Variants in ARL15 observed in about 807,000 individuals in gnomAD.
The protein encoded by ARL15 is ARF like GTPase 15.
In ARL15, 19 loss-of-function variants were observed where a neutral mutation model predicts 25.2. The observed-to-expected ratio is 0.75, with a 90% CI of 0.53 to 1.10. The LOEUF (loss-of-function observed/expected upper bound fraction) is 1.10, where lower values mean the gene tolerates loss of function less well. Among genes scored for constraint, ARL15 ranks in the 50% least tolerant of loss-of-function variants. The pLI is 0.00. For missense variants in ARL15, 220 were observed against 246.0 expected (o/e 0.89, Z 0.71); for synonymous variants, 94 against 86.8 (o/e 1.08, Z -0.46).
At chr5:54,241,820 C>T (rs1756965731) in intron 1 of ARL15, among the ~76,000 whole-genome samples, 1 of 152,138 alleles carries the variant, frequency 6.6e-6, no homozygotes, top group Non-Finnish European at 1.5e-5. Flanking sequence ...CAGGATGTTG[C>T]AGAAAGAATG....
chr5:54,151,054 T>C (rs561906861), intron 3 of ARL15, among the ~76,000 whole-genome samples: 1 of 152,222 alleles, frequency 6.6e-6, no homozygotes, highest in East Asian at 1.9e-4. Context: ...AGTCAAATCA[T>C]CATGTCTGGT....
intron 1 of ARL15, among the ~76,000 whole-genome samples, chr5:54,192,676 A>T (rs1299316006): frequency 6.6e-6 from 1 of 150,672 alleles, no homozygotes; most frequent in African/African-American, 2.4e-5. Context: ...GGGCGGGTCT[A>T]GACAGAGTTT....
At chr5:54,230,245 G>A (rs1273377767) in intron 1 of ARL15, among the ~76,000 whole-genome samples, 1 of 151,632 alleles carries the variant, frequency 6.6e-6, no homozygotes, top group Non-Finnish European at 1.5e-5. Flanking sequence ...TACTTGGGAG[G>A]CTGAGGCAGG....
intron 4 of ARL15, among the ~76,000 whole-genome samples, chr5:53,954,057 C>A (rs1465339655): frequency 1.3e-5 from 2 of 148,948 alleles, no homozygotes; most frequent in African/African-American, 5.0e-5. Flanking sequence ...GGTACAAAGA[C>A]TTCTCTGTTC....
chr5:54,003,770 C>T (rs1748929447), intron 4 of ARL15, among the ~76,000 whole-genome samples: 1 of 151,194 alleles, frequency 6.6e-6, no homozygotes, highest in Non-Finnish European at 1.5e-5. Flanking sequence ...ATTCTTGTGC[C>T]CCTCCTTTTA....
At chr5:53,972,084 T>C (rs1747771866) in intron 4 of ARL15, among the ~76,000 whole-genome samples, 1 of 152,198 alleles carries the variant, frequency 6.6e-6, no homozygotes, top group African/African-American at 2.4e-5. Flanking sequence ...AATGGATATA[T>C]GGGGTTCATT....
At chr5:54,092,920 T>G (rs1354612730) in intron 4 of ARL15, among the ~76,000 whole-genome samples, 1 of 152,222 alleles carries the variant, frequency 6.6e-6, no homozygotes, top group African/African-American at 2.4e-5. Context: ...AAACAATATA[T>G]CATAAATTTT....
At chr5:53,967,206 TG>T (rs1450964281) in intron 4 of ARL15, among the ~76,000 whole-genome samples, 6 of 152,226 alleles carry the variant, frequency 3.9e-5, no homozygotes, top group Non-Finnish European at 8.8e-5. Flanking sequence ...TTAAAATTTT[TG>T]TTTATTTGTA....
chr5:54,298,892 G>GT (rs1180471940), intron 1 of ARL15, among the ~76,000 whole-genome samples: 17 of 59,026 alleles, frequency 2.9e-4, no homozygotes, highest in Admixed American at 5.6e-4. Context: ...TTGGTTTTTT[G>GT]GTTTTTTTTT....
At chr5:54,082,492 A>T (rs1751834202) in intron 4 of ARL15, among the ~76,000 whole-genome samples, 1 of 152,198 alleles carries the variant, frequency 6.6e-6, no homozygotes. Context: ...TTTGGAAGGA[A>T]AAAATCCTGG....
At chr5:53,940,887 T>C (rs533751804) in intron 4 of ARL15, among the ~76,000 whole-genome samples, 3 of 152,336 alleles carry the variant, frequency 2.0e-5, no homozygotes, top group Admixed American at 6.5e-5. Context: ...TTTATTATTC[T>C]GTAAAAGCAA....
chr5:54,283,315 T>G (rs373982127), intron 1 of ARL15, among the ~76,000 whole-genome samples: 12 of 152,234 alleles, frequency 7.9e-5, no homozygotes, highest in African/African-American at 2.9e-4. Flanking sequence ...ATTTGGTAAA[T>G]AAAAGATTGG....
intron 4 of ARL15, among the ~76,000 whole-genome samples, chr5:54,021,867 CAAAGAA>C (rs1184833182): frequency 6.6e-6 from 1 of 151,978 alleles, no homozygotes; most frequent in African/African-American, 2.4e-5. Context: ...AAAATAAAGA[CAAAGAA>C]AAAGCTTCAA....
chr5:54,051,515 A>G (rs1229872312), intron 4 of ARL15, among the ~76,000 whole-genome samples: 1 of 152,246 alleles, frequency 6.6e-6, no homozygotes, highest in Non-Finnish European at 1.5e-5. Context: ...TTAGTTTTTA[A>G]AAGTGAGCAA....
At chr5:54,081,142 T>C (rs774443500) in intron 4 of ARL15, among the ~76,000 whole-genome samples, 4 of 152,178 alleles carry the variant, frequency 2.6e-5, no homozygotes, top group Admixed American at 1.3e-4. Flanking sequence ...AGGGCACAAG[T>C]TGGTCCATAA....
At chr5:54,157,614 T>C (rs1754278452) in intron 2 of ARL15, among the ~76,000 whole-genome samples, 1 of 152,154 alleles carries the variant, frequency 6.6e-6, no homozygotes, top group African/African-American at 2.4e-5. Context: ...GGTTTCACCA[T>C]GTTAGCCAGC....
chr5:54,200,740 G>T (rs550566433), intron 1 of ARL15, among the ~76,000 whole-genome samples: 1 of 152,158 alleles, frequency 6.6e-6, no homozygotes, highest in African/African-American at 2.4e-5. Flanking sequence ...AGGTGCCACA[G>T]AAAATACATT....
At chr5:53,934,701 GCC>G (rs889897132) in intron 4 of ARL15, among the ~76,000 whole-genome samples, 1 of 152,106 alleles carries the variant, frequency 6.6e-6, no homozygotes, top group South Asian at 2.1e-4. Flanking sequence ...TTGGACTCCT[GCC>G]CAAATCACAG....
chr5:53,886,348 ATT>A lies in ARL15; in HGVS notation c.*211_*212del, dbSNP rs1002966586. 2 of 511,708 alleles carry A rather than the reference ATT, an allele frequency of 3.9e-6. No individual in the cohort carries two copies. The highest frequency in any genetic ancestry group is 3.9e-5 in the African/African-American group (2 of 51,742). 31.7% of individuals were successfully genotyped at this position (511,708 alleles called of 1,614,324 possible). On this transcript the variant is annotated 3_prime_UTR_variant, in exon 5 of 5. Coordinates refer to ENST00000504924, the MANE Select transcript of ARL15 (RefSeq NM_019087.3). ...ATAATTAGTGGTAAACAGAGAATAA[ATT>A]CTCTCTCAGTAGTGTGTACTTGACG...
Sources: gnomAD v4.1 joint callset for allele counts (sites outside exome capture counted in the v4.1 genomes callset) on GRCh38, gnomAD v4.1.1 for gene constraint, MANE v1.5 for transcripts, NCBI Gene and HGNC (gene_info 2026-07-23, HGNC 2026-07-21) for gene names.